B4GALNT3: variants seen among roughly 807,000 people sequenced by gnomAD.
B4GALNT3 encodes the protein beta-1,4-N-acetyl-galactosaminyltransferase 3.
In B4GALNT3, 86 loss-of-function variants were observed where a neutral mutation model predicts 120.2. That is an observed-to-expected ratio of 0.72 (90% CI 0.60 to 0.86). B4GALNT3 has a LOEUF of 0.86. Ranked by LOEUF, B4GALNT3 falls within the 40% of genes least tolerant of loss-of-function variation. The pLI, the probability that B4GALNT3 is intolerant of heterozygous loss-of-function variation, is 0.00. For synonymous variants in B4GALNT3, 518 were observed against 510.4 expected, an observed-to-expected ratio of 1.01 and a Z score of -0.20; for missense variants, 1,167 against 1,298.9, an observed-to-expected ratio of 0.90 and a Z score of 1.56.
chr12:536,055 G>T (rs963557253), intron 2 of B4GALNT3, among the ~76,000 whole-genome samples, 163 bp from the exon 3 acceptor site: 2 of 152,214 alleles, frequency 1.3e-5, no homozygotes, highest in Admixed American at 1.3e-4. Context: ...AGGAGCAGGC[G>T]CTGATGAAAC....
intron 1 of B4GALNT3, among the ~76,000 whole-genome samples, chr12:494,851 A>T (rs1946374419): frequency 6.6e-6 from 1 of 152,100 alleles, no homozygotes; most frequent in South Asian, 2.1e-4. Context: ...GTATTCTTTG[A>T]TAACAGAATC....
chr12:474,822 G>C (rs1227652901), intron 1 of B4GALNT3, among the ~76,000 whole-genome samples: 1 of 151,946 alleles, frequency 6.6e-6, no homozygotes, highest in Non-Finnish European at 1.5e-5. Flanking sequence ...GCTGGAAGTG[G>C]TGGCACTACT....
At chr12:511,207 T>TGTTTTTC (rs1277647659) in intron 1 of B4GALNT3, among the ~76,000 whole-genome samples, 2 of 151,932 alleles carry the variant, frequency 1.3e-5, no homozygotes, top group Non-Finnish European at 2.9e-5. Flanking sequence ...TTTTGTTTTT[T>TGTTTTTC]GTTTTTTTTG....
intron 1 of B4GALNT3, among the ~76,000 whole-genome samples, chr12:522,941 TAA>T (rs61096976): frequency 5.2e-5 from 3 of 58,024 alleles, no homozygotes; most frequent in African/African-American, 8.8e-5. Context: ...AGACTCTGTT[TAA>T]AAAAAAAAAA....
chr12:531,867 C>T (rs1355467421), intron 1 of B4GALNT3, among the ~76,000 whole-genome samples: 1 of 152,022 alleles, frequency 6.6e-6, no homozygotes, highest in African/African-American at 2.4e-5. Context: ...GTTTTTATTT[C>T]CACCATTCAG....
At position 561,548 on chromosome 12, in the gene B4GALNT3, G is replaced by T. The variant is rs979747103; in HGVS notation, c.*97G>T. Reference sequence around the variant, plus strand: ...TTCAGGGATGGGGAGTGGGGTGACGGCTGGACCCCAAGAGGCCTCGAAGCT... The same window carrying T: ...TTCAGGGATGGGGAGTGGGGTGACGTCTGGACCCCAAGAGGCCTCGAAGCT... On this transcript the variant is annotated 3_prime_UTR_variant, in exon 20 of 20. Coordinates refer to ENST00000266383, the MANE Select transcript of B4GALNT3 (RefSeq NM_173593.4). 1 of 995,890 alleles carries T rather than the reference G, an allele frequency of 1.0e-6. No individual in the cohort carries two copies. The highest frequency in any genetic ancestry group is 1.5e-6 in the Non-Finnish European group (1 of 671,834). The allele number at this position is 995,890 out of a possible 1,614,324, so 61.7% of individuals were successfully genotyped here. A position where few individuals can be genotyped will look rare whatever the true frequency, so the allele number is the denominator to read the frequency against.
At chr12:502,199 G>T (rs1946450184) in intron 1 of B4GALNT3, among the ~76,000 whole-genome samples, 1 of 152,184 alleles carries the variant, frequency 6.6e-6, no homozygotes, top group Non-Finnish European at 1.5e-5. Flanking sequence ...GTTTATGAGG[G>T]TGTTCTCCAT....
intron 15 of B4GALNT3, among the ~76,000 whole-genome samples, chr12:557,367 G>A (rs188580617): frequency 2.4e-4 from 36 of 152,268 alleles, no homozygotes; most frequent in African/African-American, 8.2e-4. Flanking sequence ...CTTCTCGTGG[G>A]TCCCCTGCCT....
At chr12:558,428 C>T (rs1016100373) in intron 17 of B4GALNT3, 80 bp from the exon 18 acceptor site, 95 of 1,386,186 alleles carry the variant, frequency 6.9e-5, no homozygotes, top group African/African-American at 2.6e-4. Flanking sequence ...GGGAAGACTC[C>T]GAGGCTTCTC....
At chr12:539,438 T>C (rs1003193433) in intron 3 of B4GALNT3, among the ~76,000 whole-genome samples, 2 of 152,042 alleles carry the variant, frequency 1.3e-5, no homozygotes, top group Non-Finnish European at 2.9e-5. Context: ...AGATCAGAGT[T>C]CTCGTGGGTT....
chr12:460,335 G>A lies in B4GALNT3; in HGVS notation c.-42G>A. The A allele has an allele frequency of 9.7e-7, 1 of 1,026,982 alleles. No individual in the cohort carries two copies. Among genetic ancestry groups the A allele is most frequent in the Non-Finnish European group, 1.2e-6 (1 of 857,890 alleles). The allele number at this position is 1,026,982 out of a possible 1,614,324, so 63.6% of individuals were successfully genotyped here. A position where few individuals can be genotyped will look rare whatever the true frequency, so the allele number is the denominator to read the frequency against. On this transcript the variant is annotated 5_prime_UTR_variant, in exon 1 of 20. Coordinates refer to ENST00000266383, the MANE Select transcript of B4GALNT3 (RefSeq NM_173593.4). This position sits in a 1 kb window ranked among gnomAD's most constrained non-coding sequence, Gnocchi z 8.0. ...CCGGCCGGGGGGCGGCGGCTCGGGG[G>A]GTTGGAGCCCGCGCTGGCGGCGGCC...
chr12:475,250 C>G (rs1946173310), intron 1 of B4GALNT3, among the ~76,000 whole-genome samples: 1 of 152,182 alleles, frequency 6.6e-6, no homozygotes, highest in Non-Finnish European at 1.5e-5. Flanking sequence ...TCCCCTGACC[C>G]CTATACATGG....
intron 1 of B4GALNT3, among the ~76,000 whole-genome samples, chr12:485,182 CAG>C (rs1433748482): frequency 1.3e-5 from 2 of 152,072 alleles, no homozygotes; most frequent in Admixed American, 6.5e-5. Context: ...AGGATGAAGA[CAG>C]AGGAAACAAG....
chr12:542,110 C>G (rs1005025410), intron 3 of B4GALNT3, among the ~76,000 whole-genome samples: 1 of 152,220 alleles, frequency 6.6e-6, no homozygotes, highest in African/African-American at 2.4e-5. Context: ...CCTCTCCCAT[C>G]CGTTCCAGTC....
intron 13 of B4GALNT3, chr12:552,896 C>T (rs1947101690): frequency 2.0e-6 from 1 of 502,590 alleles, no homozygotes; most frequent in African/African-American, 1.9e-5. Flanking sequence ...TGGCTGGGAC[C>T]ATCTGCTGGG....
At chr12:521,288 C>G (rs1009798712) in intron 1 of B4GALNT3, among the ~76,000 whole-genome samples, 2 of 152,188 alleles carry the variant, frequency 1.3e-5, no homozygotes, top group African/African-American at 4.8e-5. Context: ...CACTTAGACC[C>G]TCTTTCCCAG....
At chr12:511,469 CCTT>C (rs369778686) in intron 1 of B4GALNT3, among the ~76,000 whole-genome samples, 5,677 of 42,728 alleles carry the variant, frequency 0.13, 315 homozygotes, top group East Asian at 0.18. Context: ...CCACCTTCCA[CCTT>C]CTTCCACCTT....
chr12:557,104 G>C (rs1240564818), intron 15 of B4GALNT3, among the ~76,000 whole-genome samples: 1 of 152,154 alleles, frequency 6.6e-6, no homozygotes, highest in East Asian at 1.9e-4. Flanking sequence ...TTCGTACTAG[G>C]TTTCAGGATT....
chr12:470,115 T>C (rs1291955989), intron 1 of B4GALNT3, among the ~76,000 whole-genome samples: 1 of 152,154 alleles, frequency 6.6e-6, no homozygotes, highest in East Asian at 1.9e-4. Flanking sequence ...CAGGAGTAGA[T>C]TTGGAAGTTG....
Sources: allele counts gnomAD v4.1 joint callset (sites outside exome capture counted in the v4.1 genomes callset), GRCh38; gene constraint gnomAD v4.1.1; non-coding constraint Gnocchi (gnomAD v3.1); transcripts MANE v1.5; gene names NCBI Gene and HGNC (gene_info 2026-07-23, HGNC 2026-07-21).